Variants in ADGRB3 observed in about 807,000 individuals in gnomAD.
ADGRB3 encodes the protein adhesion G protein-coupled receptor B3.
Under a neutral mutation model 193.4 loss-of-function variants are expected in ADGRB3, and 37 were observed. The ratio of observed to expected loss-of-function variants is 0.19; its 90% CI spans 0.15 to 0.25. The LOEUF (loss-of-function observed/expected upper bound fraction) is 0.25. Ranked by LOEUF, ADGRB3 falls within the 10% of genes least tolerant of loss-of-function variation. The pLI, the probability that ADGRB3 is intolerant of heterozygous loss-of-function variation, is 1.00. For missense variants in ADGRB3, 1,637 were observed against 1,852.9 expected (o/e 0.88, Z 2.14); for synonymous variants, 690 against 644.2 (o/e 1.07, Z -1.08).
At chr6:68,725,759 T>A (rs1765661540) in intron 3 of ADGRB3, among the ~76,000 whole-genome samples, 1 of 151,578 alleles carries the variant, frequency 6.6e-6, no homozygotes, top group African/African-American at 2.4e-5. Context: ...GTGGTTGTGA[T>A]TCTGAGGGTG....
At chr6:69,242,623 T>G (rs1766409234) in intron 20 of ADGRB3, among the ~76,000 whole-genome samples, 1 of 151,978 alleles carries the variant, frequency 6.6e-6, no homozygotes, top group Non-Finnish European at 1.5e-5. Flanking sequence ...CAAGCTGAAA[T>G]AATCCATTGC....
At chr6:69,209,398 C>G (rs185904786) in intron 17 of ADGRB3, among the ~76,000 whole-genome samples, 68 of 152,220 alleles carry the variant, frequency 4.5e-4, no homozygotes, top group African/African-American at 1.6e-3. Flanking sequence ...ACCAATAGGC[C>G]CCTAGAAATT....
chr6:69,140,954 A>G (rs1386844694), intron 17 of ADGRB3, among the ~76,000 whole-genome samples: 2 of 152,182 alleles, frequency 1.3e-5, no homozygotes, highest in African/African-American at 4.8e-5. Flanking sequence ...TAAACAAAAT[A>G]GACACAAATC....
chr6:69,253,703 T>C (rs750975852), intron 20 of ADGRB3, among the ~76,000 whole-genome samples: 3 of 152,156 alleles, frequency 2.0e-5, no homozygotes, highest in Non-Finnish European at 2.9e-5. Context: ...CAATACTCTG[T>C]CTTTTGGATA....
intron 17 of ADGRB3, among the ~76,000 whole-genome samples, chr6:69,182,110 A>G (rs1234018549): frequency 6.6e-6 from 1 of 152,186 alleles, no homozygotes; most frequent in Non-Finnish European, 1.5e-5. Context: ...TGAAAATGGA[A>G]GGATGCACAG....
At chr6:68,935,669 A>G (rs184576602) in intron 4 of ADGRB3, among the ~76,000 whole-genome samples, 1 of 152,300 alleles carries the variant, frequency 6.6e-6, no homozygotes, top group South Asian at 2.1e-4. Context: ...ACATGATGCC[A>G]TGACAGAAGT....
At chr6:69,264,894 G>A (rs774244447) in intron 20 of ADGRB3, among the ~76,000 whole-genome samples, 17 of 151,858 alleles carry the variant, frequency 1.1e-4, no homozygotes, top group Non-Finnish European at 2.2e-4. Flanking sequence ...GAAAGTCTGA[G>A]TCATTGTTCA....
intron 25 of ADGRB3, 135 bp from the exon 26 acceptor site, chr6:69,339,198 A>C: frequency 1.1e-5 from 13 of 1,212,324 alleles, no homozygotes; most frequent in Non-Finnish European, 1.4e-5. Flanking sequence ...TAAGACTCTC[A>C]AATGTCATCT....
intron 20 of ADGRB3, among the ~76,000 whole-genome samples, chr6:69,248,986 TC>T (rs755607280): frequency 8.6e-4 from 131 of 152,344 alleles, no homozygotes; most frequent in Non-Finnish European, 1.4e-3. Flanking sequence ...TTCTTCTTTT[TC>T]TTTTTTTTGA....
At chr6:68,723,203 C>A (rs1765613985) in intron 3 of ADGRB3, among the ~76,000 whole-genome samples, 2 of 151,638 alleles carry the variant, frequency 1.3e-5, no homozygotes, top group Non-Finnish European at 2.9e-5. Flanking sequence ...AGATAATGTG[C>A]CACATGGAGT....
intron 17 of ADGRB3, among the ~76,000 whole-genome samples, chr6:69,085,613 T>G (rs1258196562): frequency 1.3e-5 from 2 of 151,966 alleles, no homozygotes; most frequent in Admixed American, 1.3e-4. Flanking sequence ...AGACTGGACA[T>G]TTTCCTTAAT....
intron 3 of ADGRB3, among the ~76,000 whole-genome samples, chr6:68,765,565 C>CAA (rs1766493428): frequency 6.6e-6 from 1 of 151,684 alleles, no homozygotes; most frequent in Non-Finnish European, 1.5e-5. Context: ...CACACACACA[C>CAA]ACACACACAC....
intron 20 of ADGRB3, among the ~76,000 whole-genome samples, chr6:69,324,650 A>G (rs1419796040): frequency 6.6e-6 from 1 of 152,212 alleles, no homozygotes; most frequent in Non-Finnish European, 1.5e-5. Flanking sequence ...TAAAAAATTA[A>G]GTGCAAAAAT....
intron 17 of ADGRB3, among the ~76,000 whole-genome samples, chr6:69,223,633 T>C (rs1036219755): frequency 6.6e-6 from 1 of 151,486 alleles, no homozygotes; most frequent in African/African-American, 2.4e-5. Flanking sequence ...ACATAATTTT[T>C]TTGAATCTCT....
chr6:69,332,891 A>G (rs1768759284), intron 23 of ADGRB3, 32 bp from the exon 24 acceptor site: 1 of 1,610,834 alleles, frequency 6.2e-7, no homozygotes, highest in African/African-American at 1.3e-5. Flanking sequence ...CTTCAATATC[A>G]TTGAAAGGTC....
chr6:68,957,089 G>C (rs1768097133), intron 8 of ADGRB3, among the ~76,000 whole-genome samples: 1 of 152,180 alleles, frequency 6.6e-6, no homozygotes, highest in Admixed American at 6.5e-5. Context: ...AGAAGATAAA[G>C]AAGTGTCGCT....
At chr6:68,735,559 ATAAATT>A (rs1297800233) in intron 3 of ADGRB3, among the ~76,000 whole-genome samples, 1 of 152,138 alleles carries the variant, frequency 6.6e-6, no homozygotes, top group Non-Finnish European at 1.5e-5. Flanking sequence ...TCATATATTG[ATAAATT>A]TAAATTTGTC....
At chr6:69,350,034 C>G (rs1279619382) in intron 26 of ADGRB3, among the ~76,000 whole-genome samples, 1 of 152,188 alleles carries the variant, frequency 6.6e-6, no homozygotes, top group Non-Finnish European at 1.5e-5. Flanking sequence ...TCCAGAAGCT[C>G]TCAGCCTGCT....
chr6:68,644,297 T>C (rs1449410525), intron 3 of ADGRB3, among the ~76,000 whole-genome samples: 1 of 152,158 alleles, frequency 6.6e-6, no homozygotes, highest in East Asian at 1.9e-4. Context: ...GGTGTTATTT[T>C]AAAAGTTTTT....
Sources: gnomAD v4.1 joint callset for allele counts (sites outside exome capture counted in the v4.1 genomes callset) on GRCh38, gnomAD v4.1.1 for gene constraint, MANE v1.5 for transcripts, NCBI Gene and HGNC (gene_info 2026-07-23, HGNC 2026-07-21) for gene names.